The following CDK18 variants were observed in gnomAD, a reference collection of about 807,000 sequenced individuals.
CDK18 encodes the protein cyclin dependent kinase 18.
Under a neutral mutation model 62.0 loss-of-function variants are expected in CDK18, and 52 were observed. That is an observed-to-expected ratio of 0.84 (90% confidence interval 0.67 to 1.06). The LOEUF (loss-of-function observed/expected upper bound fraction) is 1.06. CDK18 is among the 50% of genes least tolerant of loss of function. The pLI, the probability that CDK18 is intolerant of heterozygous loss-of-function variation, is 0.00. For synonymous variants in CDK18, 237 were observed against 247.0 expected (o/e 0.96, Z 0.38); for missense variants, 604 against 619.9 (o/e 0.97, Z 0.27).
intron 1 of CDK18, among the ~76,000 whole-genome samples, chr1:205,509,064 G>A (rs760169133): frequency 2.0e-5 from 3 of 151,952 alleles, no homozygotes; most frequent in African/African-American, 7.3e-5. Context: ...TAGGAGGATC[G>A]CTTGAACCCA....
In CDK18 at chr1:205,527,016, C is replaced by A; in HGVS notation, c.729+179C>A. ...CCAGGAACTGGGTTGAGCGCTTTAC[C>A]CCAAGAACAGACACACACTGTCTGC... is the stretch of plus-strand genomic sequence containing the variant. On this transcript the variant is annotated intron_variant, in intron 8 of 15. Transcript: ENST00000429964. This position sits in a 1 kb window ranked among gnomAD's most constrained non-coding sequence, Gnocchi z 4.1. 1 of 608,556 alleles carries A rather than the reference C, an allele frequency of 1.6e-6. No individual in the cohort carries two copies. 37.7% of individuals were successfully genotyped at this position (608,556 alleles called of 1,614,324 possible).
Position 205,523,642 on chromosome 1 carries a change from C to T in CDK18, c.273+17C>T. 1 of 1,559,492 alleles carries T rather than the reference C, an allele frequency of 6.4e-7. No individual in the cohort carries two copies. Among genetic ancestry groups the T allele is most frequent in the Admixed American group, 1.9e-5 (1 of 51,678 alleles). On this transcript the variant is annotated intron_variant, in intron 3 of 15. Coordinates refer to ENST00000429964, the MANE Select transcript of CDK18 (RefSeq NM_212502.3). ...TCCATGGAGGTAAGGGCCTCTGGAG[C>T]TCTGCCCCGGCAGGTGGCAGGATGC...
chr1:205,523,602 A>C lies in CDK18; in HGVS notation c.250A>C (p.Asn84His). 6.3e-7 allele frequency: 1 copy of C among 1,577,760 alleles called. No homozygotes were observed. The highest frequency in any genetic ancestry group is 1.2e-5 in the South Asian group (1 of 86,128). The stretch of plus-strand genomic sequence containing the variant: ...TGGCGTGCAGTTCCAGCGGCGGCAG[A>C]ACCAGCGCCGCTTCTCCATGGAGGT... ...SPGVQFQRRQ[N>H]QRRFSMEDVS... The change falls in exon 3 of 16, where the codon AAC (asparagine) becomes CAC (histidine). Residue 84 changes from asparagine (N) to histidine (H), a missense_variant. Physicochemically the swap from Asn to His is moderately conservative, Grantham distance 68 (BLOSUM62 1). Transcript: ENST00000429964.
intron 15 of CDK18, 99 bp downstream of exon 15, chr1:205,530,804 G>T: frequency 1.1e-6 from 1 of 946,168 alleles, no homozygotes; most frequent in East Asian, 2.6e-5. Flanking sequence ...CCCACCACTG[G>T]CTTCCCTTTG....
chr1:205,522,599 A>T (rs1385950130), intron 1 of CDK18: 2 of 152,320 alleles, frequency 1.3e-5, no homozygotes, highest in Non-Finnish European at 2.9e-5. Context: ...GGACCCAATC[A>T]TGTCCCAAGG....
chr1:205,517,557 A>G lies in CDK18; in HGVS notation c.-21-5590A>G, dbSNP rs1441768316. On this transcript the variant is annotated intron_variant, in intron 1 of 15. Transcript: ENST00000429964. This position sits in a 1 kb window ranked among gnomAD's most constrained non-coding sequence, Gnocchi z 4.1. ...CCAACATCCAACTCCTGGTCTTCCC[A>G]CTGAAACCACTACTCCCAGAATGCC... Among the ~76,000 whole-genome samples the G allele has an allele frequency of 6.6e-6, 1 of 152,000 alleles. No homozygotes were observed. The highest frequency in any genetic ancestry group is 1.5e-5 in the Non-Finnish European group (1 of 67,994).
At chr1:205,507,661 A>AT (rs1558765269) in intron 1 of CDK18, among the ~76,000 whole-genome samples, 2 of 150,298 alleles carry the variant, frequency 1.3e-5, no homozygotes, top group African/African-American at 2.5e-5. Flanking sequence ...AAAAAAAAAA[A>AT]AATAATGCAC....
intron 1 of CDK18, among the ~76,000 whole-genome samples, chr1:205,520,167 A>G (rs1168105487): frequency 6.6e-6 from 1 of 152,128 alleles, no homozygotes; most frequent in African/African-American, 2.4e-5. Context: ...CCCTGCTCTG[A>G]GGATCCCCCG....
Position 205,530,612 on chromosome 1 carries a change from C to T in CDK18, c.1313-16C>T, listed in dbSNP as rs776047391. On this transcript the variant is annotated splice_polypyrimidine_tract_variant and intron_variant, in intron 14 of 15. Coordinates refer to ENST00000429964, the MANE Select transcript of CDK18 (RefSeq NM_212502.3). ...TCCACGCAGCCCTCTCCAGACTATGCACTTCTCTCCCCCAGCTGCCTCCAT... is the reference window on the plus strand; with the variant it reads ...TCCACGCAGCCCTCTCCAGACTATGTACTTCTCTCCCCCAGCTGCCTCCAT... 1.2e-6 allele frequency: 2 copies of T among 1,612,254 alleles called. No homozygotes were observed. Among genetic ancestry groups the T allele is most frequent in the Non-Finnish European group, 1.7e-6 (2 of 1,178,472 alleles).
chr1:205,507,158 A>G (rs1667347153), intron 1 of CDK18, among the ~76,000 whole-genome samples: 1 of 152,134 alleles, frequency 6.6e-6, no homozygotes, highest in Non-Finnish European at 1.5e-5. Flanking sequence ...CTGTCCTCTG[A>G]TTCCTTCTGT....
intron 1 of CDK18, among the ~76,000 whole-genome samples, chr1:205,512,569 C>G (rs886575084): frequency 6.6e-6 from 1 of 152,182 alleles, no homozygotes; most frequent in Non-Finnish European, 1.5e-5. Context: ...CTGGGCCCAG[C>G]CTGGTGGGAG....
rs891968348 is a variant in CDK18, at chr1:205,516,575, C to T, written c.-21-6572C>T. 1.3e-5 allele frequency among the ~76,000 whole-genome samples: 2 copies of T among 152,186 alleles called. No individual in the cohort carries two copies. Among genetic ancestry groups the T allele is most frequent in the African/African-American group, 4.8e-5 (2 of 41,436 alleles). On this transcript the variant is annotated intron_variant, in intron 1 of 15. Transcript: ENST00000429964. This position sits in a 1 kb window ranked among gnomAD's most constrained non-coding sequence, Gnocchi z 4.8. ...TCCACATGTGCCTGTAAAGCAGACA[C>T]ATGCCTGCTGTATGCCACCAGCACC...
chr1:205,523,738 C>T (rs1575068201), intron 3 of CDK18, 113 bp downstream of exon 3: 1 of 1,335,238 alleles, frequency 7.5e-7, no homozygotes, highest in East Asian at 2.5e-5. Context: ...TCCACCTCTG[C>T]CATTCATTAG....
At chr1:205,529,792 G>T in intron 13 of CDK18, 1 of 1,452,446 alleles carries the variant, frequency 6.9e-7, no homozygotes, top group Non-Finnish European at 9.3e-7. Flanking sequence ...CTCTGGGCAA[G>T]TTACAGAGCT....
Position 205,523,150 on chromosome 1 carries a change from C to T in CDK18, c.-18C>T. On this transcript the variant is annotated 5_prime_UTR_variant, in exon 2 of 16. Coordinates refer to ENST00000429964, the MANE Select transcript of CDK18 (RefSeq NM_212502.3). ...CTTCTCACACTTCCCATCTCAGGAC[C>T]CGGCTGCCCAGTCCCTCATGATCAT... is the stretch of plus-strand genomic sequence containing the variant. 6.3e-7 allele frequency: 1 copy of T among 1,590,868 alleles called. No homozygotes were observed. The highest frequency in any genetic ancestry group is 8.6e-7 in the Non-Finnish European group (1 of 1,166,694).
intron 5 of CDK18, among the ~76,000 whole-genome samples, 188 bp downstream of exon 5, chr1:205,525,383 C>T (rs2102310537): frequency 6.6e-6 from 1 of 152,284 alleles, no homozygotes; most frequent in South Asian, 2.1e-4. Flanking sequence ...GAAGTGAGCT[C>T]AGATCCTGAA....
chr1:205,522,781 C>A, intron 1 of CDK18: 1 of 165,602 alleles, frequency 6.0e-6, no homozygotes, highest in Non-Finnish European at 1.3e-5. Flanking sequence ...CTCTAGACCT[C>A]CAGCAGCTAA....
Position 205,529,443 on chromosome 1 carries a change from C to T in CDK18, c.1178+14C>T, listed in dbSNP as rs996471447. The T allele has an allele frequency of 3.1e-6, 5 of 1,612,256 alleles. No individual in the cohort carries two copies. The highest frequency in any genetic ancestry group is 4.2e-6 in the Non-Finnish European group (5 of 1,178,830). ...CCACGCGCCCAGGTAGCCCCTGCGC[C>T]CGCCGCCCCTCCTGCTGCGGCCCTG... is the stretch of plus-strand genomic sequence containing the variant. On this transcript the variant is annotated intron_variant, in intron 12 of 15. Coordinates refer to ENST00000429964, the MANE Select transcript of CDK18 (RefSeq NM_212502.3).
chr1:205,512,301 TAG>T (rs1357860660), intron 1 of CDK18, among the ~76,000 whole-genome samples: 1 of 151,376 alleles, frequency 6.6e-6, no homozygotes, highest in Non-Finnish European at 1.5e-5. Flanking sequence ...AAGGGACAGG[TAG>T]AGGAAGTAAG....
Sources: gnomAD v4.1 joint callset for allele counts (sites outside exome capture counted in the v4.1 genomes callset) on GRCh38, gnomAD v4.1.1 for gene constraint, Gnocchi (gnomAD v3.1) non-coding constraint, MANE v1.5 for transcripts, NCBI Gene and HGNC (gene_info 2026-07-23, HGNC 2026-07-21) for gene names.